Variants in DACH1 observed in about 807,000 individuals in gnomAD.
DACH1 encodes the protein dachshund homolog 1.
A neutral mutation model predicts 54.2 loss-of-function variants in DACH1; 12 were observed. The ratio of observed to expected loss-of-function variants is 0.22; its 90% confidence interval spans 0.14 to 0.36. The LOEUF (loss-of-function observed/expected upper bound fraction) is 0.36. Ranked by LOEUF, DACH1 falls within the 10% of genes least tolerant of loss-of-function variation. The pLI is 1.00. For missense variants in DACH1, 805 were observed against 929.8 expected (o/e 0.87, Z 1.75); for synonymous variants, 386 against 366.2 (o/e 1.05, Z -0.62).
intron 2 of DACH1, 105 bp from the exon 3 acceptor site, chr13:71,630,822 A>T: frequency 7.7e-7 from 1 of 1,292,998 alleles, no homozygotes; most frequent in Non-Finnish European, 1.0e-6. Flanking sequence ...AGAGTATCTG[A>T]TTCCTTTATG....
chr13:71,464,612 C>T (rs1450889794), intron 10 of DACH1: 3 of 447,386 alleles, frequency 6.7e-6, no homozygotes, highest in Middle Eastern at 3.3e-4. Flanking sequence ...GCAAATTAGA[C>T]CCATGCAAAT....
chr13:71,617,527 A>G (rs1875874180), intron 3 of DACH1, among the ~76,000 whole-genome samples: 1 of 152,214 alleles, frequency 6.6e-6, no homozygotes, highest in Admixed American at 6.5e-5. Flanking sequence ...CTCAAAAAAG[A>G]AATGCTTATG....
At chr13:71,455,291 G>C (rs1211425025) in intron 10 of DACH1, among the ~76,000 whole-genome samples, 3 of 151,748 alleles carry the variant, frequency 2.0e-5, no homozygotes, top group Non-Finnish European at 4.4e-5. Flanking sequence ...TCCATATATA[G>C]AGATAGATAG....
intron 1 of DACH1, among the ~76,000 whole-genome samples, chr13:71,794,332 C>G (rs9318030): frequency 0.16 from 23,804 of 152,210 alleles, 3,692 homozygotes; most frequent in East Asian, 0.84. Context: ...CAGGACTAAC[C>G]AAATCCTAGG....
chr13:71,779,167 GTATATATATACACA>G (rs1886212260), intron 1 of DACH1, among the ~76,000 whole-genome samples: 3 of 80,532 alleles, frequency 3.7e-5, no homozygotes, highest in Admixed American at 1.2e-4. Context: ...ACGTATATAC[GTATATATATACACA>G]TATATACGTA....
intron 5 of DACH1, 90 bp from the exon 6 acceptor site, chr13:71,557,248 C>T: frequency 9.0e-7 from 1 of 1,106,504 alleles, no homozygotes; most frequent in South Asian, 1.9e-5. Context: ...CTCTCTTGGA[C>T]TCAACAGTAA....
At chr13:71,755,932 T>A (rs902830266) in intron 1 of DACH1, among the ~76,000 whole-genome samples, 7 of 152,168 alleles carry the variant, frequency 4.6e-5, no homozygotes, top group Admixed American at 4.6e-4. Flanking sequence ...GCTGAGACGG[T>A]ATGGAAAAAA....
chr13:71,561,740 C>T (rs1884597776), intron 4 of DACH1, among the ~76,000 whole-genome samples: 1 of 152,064 alleles, frequency 6.6e-6, no homozygotes, highest in South Asian at 2.1e-4. Flanking sequence ...TTTAAAAGCT[C>T]TCCCTATGAT....
chr13:71,678,212 C>T (rs1880685001), intron 2 of DACH1, among the ~76,000 whole-genome samples: 1 of 152,168 alleles, frequency 6.6e-6, no homozygotes, highest in African/African-American at 2.4e-5. Flanking sequence ...TCCCCAAATA[C>T]ACTAAAGCAT....
chr13:71,821,881 T>C (rs1200122098), intron 1 of DACH1, among the ~76,000 whole-genome samples: 1 of 152,018 alleles, frequency 6.6e-6, no homozygotes, highest in Non-Finnish European at 1.5e-5. Flanking sequence ...GACAACATGG[T>C]GAAACCCTGT....
At chr13:71,564,556 G>A (rs1019526391) in intron 4 of DACH1, among the ~76,000 whole-genome samples, 2 of 149,804 alleles carry the variant, frequency 1.3e-5, no homozygotes, top group African/African-American at 4.9e-5. Flanking sequence ...CCTCTGGGAA[G>A]AACAAGAAGT....
chr13:71,487,456 G>T (rs1042652481), intron 7 of DACH1, among the ~76,000 whole-genome samples: 2 of 151,474 alleles, frequency 1.3e-5, no homozygotes, highest in Non-Finnish European at 2.9e-5. Flanking sequence ...ATAGTTCGAG[G>T]TGATGTGGAT....
At chr13:71,463,721 T>C (rs1042716968) in intron 10 of DACH1, among the ~76,000 whole-genome samples, 3 of 151,996 alleles carry the variant, frequency 2.0e-5, no homozygotes, top group African/African-American at 7.2e-5. Context: ...TTTGGAAGTA[T>C]TAGATGATGT....
At chr13:71,553,056 C>T (rs1168587089) in intron 6 of DACH1, among the ~76,000 whole-genome samples, 2 of 146,372 alleles carry the variant, frequency 1.4e-5, no homozygotes, top group Non-Finnish European at 3.0e-5. Flanking sequence ...GTGGTGGGTG[C>T]TGTAATCCCA....
chr13:71,464,684 T>G (rs1403997947), intron 10 of DACH1: 1 of 452,538 alleles, frequency 2.2e-6, no homozygotes, highest in East Asian at 7.0e-5. Flanking sequence ...GTGAGATTCA[T>G]TCATTTAATT....
chr13:71,622,883 GA>G (rs1312383198), intron 3 of DACH1, among the ~76,000 whole-genome samples: 32 of 151,634 alleles, frequency 2.1e-4, no homozygotes, highest in African/African-American at 7.2e-4. Context: ...TAGCAATATT[GA>G]AATCAAAACA....
rs868377501 is a variant in DACH1, at chr13:71,449,701, C to A, written c.2084-9009G>T. On this transcript the variant is annotated intron_variant, in intron 10 of 10. Coordinates refer to ENST00000613252, the MANE Select transcript of DACH1 (RefSeq NM_080759.6). ...GAGCTTAAAGTAAACGAATTTATTGCATCATTAAAAATTTTTTTAAAAAAG... is the reference window on the plus strand; with the variant it reads ...GAGCTTAAAGTAAACGAATTTATTGAATCATTAAAAATTTTTTTAAAAAAG... Among the ~76,000 whole-genome samples, 62 of 152,094 alleles carry A rather than the reference C, an allele frequency of 4.1e-4. 1 individual carries two copies. Among genetic ancestry groups the A allele is most frequent in the African/African-American group, 1.4e-3 (59 of 41,486 alleles).
chr13:71,520,518 C>A (rs1881519152), intron 6 of DACH1, among the ~76,000 whole-genome samples: 1 of 147,852 alleles, frequency 6.8e-6, no homozygotes, highest in African/African-American at 2.5e-5. Flanking sequence ...AATAAGGATC[C>A]AGGAATCTAG....
At chr13:71,726,215 C>T (rs1326418561) in intron 1 of DACH1, among the ~76,000 whole-genome samples, 1 of 151,980 alleles carries the variant, frequency 6.6e-6, no homozygotes, top group Non-Finnish European at 1.5e-5. Flanking sequence ...ATGTTGAAGC[C>T]CTATAAGTTT....
Sources: allele counts gnomAD v4.1 joint callset (sites outside exome capture counted in the v4.1 genomes callset), GRCh38; gene constraint gnomAD v4.1.1; transcripts MANE v1.5; gene names NCBI Gene and HGNC (gene_info 2026-07-23, HGNC 2026-07-21).